The following SAMD12 variants were observed in gnomAD, a reference collection of about 807,000 sequenced individuals.
The protein encoded by SAMD12 is sterile alpha motif domain containing 12.
A neutral mutation model predicts 15.0 loss-of-function variants in SAMD12; 9 were observed. The observed-to-expected ratio is 0.60, with a 90% confidence interval of 0.36 to 1.05. The LOEUF is 1.05. SAMD12 is among the 50% of genes least tolerant of loss of function. The pLI, the probability that SAMD12 is intolerant of heterozygous loss-of-function variation, is 0.01. For synonymous variants in SAMD12, 86 were observed against 90.1 expected (o/e 0.96, Z 0.25); for missense variants, 230 against 234.2 (o/e 0.98, Z 0.12).
At chr8:118,217,295 C>T (rs1693935836) in intron 4 of SAMD12, among the ~76,000 whole-genome samples, 1 of 152,214 alleles carries the variant, frequency 6.6e-6, no homozygotes, top group Non-Finnish European at 1.5e-5. Context: ...AGCCACTGCG[C>T]CCGGGCCTGG....
intron 3 of SAMD12, among the ~76,000 whole-genome samples, chr8:118,383,384 G>C (rs996217567): frequency 6.6e-6 from 1 of 152,192 alleles, no homozygotes; most frequent in Non-Finnish European, 1.5e-5. Flanking sequence ...CCAGGAAGCT[G>C]TTAATGAGTA....
intron 2 of SAMD12, among the ~76,000 whole-genome samples, chr8:118,554,778 C>T (rs1355159840): frequency 6.6e-6 from 1 of 151,978 alleles, no homozygotes; most frequent in African/African-American, 2.4e-5. Context: ...AGTTGAAGGC[C>T]TCAAAAGCAA....
intron 3 of SAMD12, among the ~76,000 whole-genome samples, chr8:118,435,162 C>T (rs1234575261): frequency 6.6e-6 from 1 of 152,010 alleles, no homozygotes; most frequent in Non-Finnish European, 1.5e-5. Flanking sequence ...ACAGCAGCAG[C>T]CCCCTTAGCT....
At chr8:118,591,338 T>C (rs1402687024) in intron 1 of SAMD12, among the ~76,000 whole-genome samples, 20 of 152,236 alleles carry the variant, frequency 1.3e-4, no homozygotes, top group Admixed American at 1.2e-3. Flanking sequence ...TCTTACAATA[T>C]ATTTTCAAGC....
At chr8:118,472,529 G>T (rs1447167448) in intron 2 of SAMD12, among the ~76,000 whole-genome samples, 1 of 152,002 alleles carries the variant, frequency 6.6e-6, no homozygotes, top group African/African-American at 2.4e-5. Flanking sequence ...GAAAAAAATA[G>T]CCGGGCATGG....
intron 4 of SAMD12, among the ~76,000 whole-genome samples, chr8:118,358,647 A>G (rs1818343640): frequency 6.6e-6 from 1 of 152,132 alleles, no homozygotes; most frequent in South Asian, 2.1e-4. Context: ...TCTTTACTGT[A>G]GTTTTAGCAC....
At chr8:118,537,883 A>G (rs538534202) in intron 2 of SAMD12, among the ~76,000 whole-genome samples, 2 of 152,238 alleles carry the variant, frequency 1.3e-5, no homozygotes, top group South Asian at 4.1e-4. Context: ...GCATTGAAGA[A>G]TTATGTCTTT....
intron 4 of SAMD12, among the ~76,000 whole-genome samples, chr8:118,207,354 G>A (rs1293579375): frequency 3.4e-5 from 5 of 149,108 alleles, no homozygotes; most frequent in Non-Finnish European, 7.5e-5. Flanking sequence ...CAGCCAATTA[G>A]TCACTGGTAA....
chr8:118,427,376 T>C lies in SAMD12; in HGVS notation c.322+12456A>G, dbSNP rs139033097. Among the ~76,000 whole-genome samples, 61 of 152,332 alleles carry C rather than the reference T, an allele frequency of 4.0e-4. No individual in the cohort carries two copies. The East Asian group carries it at 9.6e-3, about 24-fold the overall frequency. On this transcript the variant is annotated intron_variant, in intron 3 of 3. Coordinates refer to ENST00000314727, the MANE Select transcript of SAMD12 (RefSeq NM_207506.3). ...TAACTTACATACAATAAATCCCACATATTTGAAATATCAAGTAGATGATGT... is the reference window on the plus strand; with the variant it reads ...TAACTTACATACAATAAATCCCACACATTTGAAATATCAAGTAGATGATGT...
At chr8:118,157,267 C>T in the SAMD12 span, among the ~76,000 whole-genome samples, 1 of 152,126 alleles carries the variant, frequency 6.6e-6, no homozygotes, top group African/African-American at 2.4e-5. Flanking sequence ...ATCTTAGTGC[C>T]ACCAGTTATA....
intron 4 of SAMD12, chr8:118,284,222 A>G (rs1338046120): frequency 4.5e-6 from 2 of 445,894 alleles, no homozygotes; most frequent in Admixed American, 2.5e-5. Context: ...GGTTTCTTGC[A>G]TTTTTTAAAG....
intron 1 of SAMD12, among the ~76,000 whole-genome samples, chr8:118,616,188 A>T (rs796904044): frequency 3.3e-5 from 5 of 152,352 alleles, no homozygotes; most frequent in African/African-American, 1.2e-4. Flanking sequence ...ATAAGTACCT[A>T]TGAGGGAAAC....
intron 2 of SAMD12, among the ~76,000 whole-genome samples, chr8:118,456,959 C>A (rs904095745): frequency 1.3e-5 from 2 of 152,168 alleles, no homozygotes; most frequent in Non-Finnish European, 2.9e-5. Context: ...CATTCACTAG[C>A]TGTGTTACTC....
intron 4 of SAMD12, among the ~76,000 whole-genome samples, chr8:118,318,310 GTATATATATATATATA>G (rs55959055): frequency 0.25 from 28,113 of 113,046 alleles, 3,945 homozygotes; most frequent in Non-Finnish European, 0.34. Context: ...AGATATATGT[GTATATATATATATATA>G]TATATATATA....
intron 4 of SAMD12, among the ~76,000 whole-genome samples, chr8:118,246,311 A>G (rs2129991255): frequency 6.6e-6 from 1 of 152,260 alleles, no homozygotes; most frequent in African/African-American, 2.4e-5. Context: ...AGGAATGGGC[A>G]CCAGTCTTTC....
At chr8:118,480,458 A>T (rs1824094207) in intron 2 of SAMD12, among the ~76,000 whole-genome samples, 1 of 152,234 alleles carries the variant, frequency 6.6e-6, no homozygotes, top group South Asian at 2.1e-4. Context: ...CAAAGTTATA[A>T]AACTCTTAAC....
chr8:118,499,339 A>C (rs1277755201), intron 2 of SAMD12, among the ~76,000 whole-genome samples: 1 of 152,228 alleles, frequency 6.6e-6, no homozygotes, highest in Admixed American at 6.5e-5. Flanking sequence ...GAGAAGGAGC[A>C]AATATTGTTA....
intron 2 of SAMD12, among the ~76,000 whole-genome samples, chr8:118,561,129 T>TCC (rs576913534): frequency 3.5e-4 from 53 of 152,126 alleles, no homozygotes; most frequent in Non-Finnish European, 7.5e-4. Context: ...CAAAACCCTC[T>TCC]CCCCAGGGTG....
chr8:118,288,654 T>C lies in SAMD12; in HGVS notation c.433+90906A>G, dbSNP rs150488780. ...TATAATTATACAAGAACAGAGCTAT[T>C]TAGTTAGAAAAAATAACTTTGAAGA... On this transcript the variant is annotated intron_variant, in intron 4 of 4. Transcript: ENST00000409003. 6.6e-3 allele frequency among the ~76,000 whole-genome samples: 1,008 copies of C among 152,328 alleles called. 13 individuals are homozygous for C. The highest frequency in any genetic ancestry group is 0.023 in the African/African-American group (961 of 41,574).
Sources: gnomAD v4.1 joint callset for allele counts (sites outside exome capture counted in the v4.1 genomes callset) on GRCh38, gnomAD v4.1.1 for gene constraint, MANE v1.5 for transcripts, NCBI Gene and HGNC (gene_info 2026-07-23, HGNC 2026-07-21) for gene names.